XPR1: variants seen among roughly 807,000 people sequenced by gnomAD.
XPR1 encodes the protein xenotropic and polytropic retrovirus receptor 1, also known as solute carrier family 53 member 1.
XPR1 carries 28 observed loss-of-function variants against 87.5 expected under a neutral mutation model. The ratio of observed to expected loss-of-function variants is 0.32; its 90% confidence interval spans 0.24 to 0.44. The LOEUF (loss-of-function observed/expected upper bound fraction) is 0.44, where lower values mean the gene tolerates loss of function less well. XPR1 is among the 20% of genes least tolerant of loss of function. The probability of loss-of-function intolerance (pLI) is 1.00; values close to 1 mark genes in which losing one functional copy is unlikely to be tolerated. For synonymous variants in XPR1, 300 were observed against 306.1 expected (o/e 0.98, Z 0.21); for missense variants, 559 against 862.3 (o/e 0.65, Z 4.41).
chr1:180,735,136 A>G (rs1217661376), intron 2 of XPR1, among the ~76,000 whole-genome samples: 1 of 152,232 alleles, frequency 6.6e-6, no homozygotes, highest in Non-Finnish European at 1.5e-5. Flanking sequence ...TCAGAAATAC[A>G]TATTGTCAGA....
At chr1:180,637,867 T>C (rs1420174016) in intron 1 of XPR1, among the ~76,000 whole-genome samples, 1 of 152,180 alleles carries the variant, frequency 6.6e-6, no homozygotes, top group Non-Finnish European at 1.5e-5. Context: ...GCTAACTCTT[T>C]GAAGTAAGGT....
rs191732497 is a variant in XPR1, at chr1:180,784,104, A to G, written c.122-3649A>G. ...TATCCTTGGAAATACAGCCATTTGT[A>G]TAGAGATTCCTTTAGAATACATTTC... On this transcript the variant is annotated intron_variant, in intron 2 of 14. Coordinates refer to ENST00000367590, the MANE Select transcript of XPR1 (RefSeq NM_004736.4). Among the ~76,000 whole-genome samples, 5 of 152,128 alleles carry G rather than the reference A, an allele frequency of 3.3e-5. No individual in the cohort carries two copies. In the East Asian group the frequency reaches 5.8e-4, roughly 18 times the overall value.
chr1:180,757,672 A>G (rs189601710), intron 2 of XPR1, among the ~76,000 whole-genome samples: 1 of 151,894 alleles, frequency 6.6e-6, no homozygotes, highest in East Asian at 1.9e-4. Flanking sequence ...GCACACCACC[A>G]TGCCTGGATA....
At position 180,887,782 on chromosome 1, in the gene XPR1, T is replaced by G. The variant is rs1653060896; in HGVS notation, c.*3716T>G. The G allele has an allele frequency of 6.6e-6, 1 of 152,244 alleles. No individual in the cohort carries two copies. Among genetic ancestry groups the G allele is most frequent in the Admixed American group, 6.5e-5 (1 of 15,286 alleles). 9.4% of individuals were successfully genotyped at this position (152,244 alleles called of 1,614,324 possible). A position where few individuals can be genotyped will look rare whatever the true frequency, so the allele number is the denominator to read the frequency against. Reference sequence around the variant, plus strand: ...ATTCTAAACATGAGAGTTCTGTGACTTTAACTGAGCTCTTTACCAGAAGTA... The same window carrying G: ...ATTCTAAACATGAGAGTTCTGTGACGTTAACTGAGCTCTTTACCAGAAGTA... On this transcript the variant is annotated 3_prime_UTR_variant, in exon 15 of 15. Coordinates refer to ENST00000367590, the MANE Select transcript of XPR1 (RefSeq NM_004736.4).
At chr1:180,883,695 G>A (rs180933563) in intron 14 of XPR1, among the ~76,000 whole-genome samples, 25 of 119,150 alleles carry the variant, frequency 2.1e-4, no homozygotes, top group Middle Eastern at 0.01. Flanking sequence ...GCGACAGAGC[G>A]AGACTCTGTC....
chr1:180,749,288 T>C (rs1647421020), intron 2 of XPR1, among the ~76,000 whole-genome samples: 1 of 152,246 alleles, frequency 6.6e-6, no homozygotes, highest in Admixed American at 6.5e-5. Context: ...TTGCTTATTA[T>C]TGTGAATAGC....
At position 180,714,349 on chromosome 1, in the gene XPR1, TTCTCTCTCTCTCTCTCTC is replaced by T. The variant is rs71121047; in HGVS notation, c.121+31974_121+31991del. On this transcript the variant is annotated intron_variant, in intron 2 of 14. Transcript: ENST00000367590. Reference sequence around the variant, plus strand: ...ATTTTTCTCTCATATTTTTTCCCTGTTCTCTCTCTCTCTCTCTCTCTCTCTCTCTCTCTCTCTCTCTCT... The same window carrying T: ...ATTTTTCTCTCATATTTTTTCCCTGTTCTCTCTCTCTCTCTCTCTCTCTCT... Among the ~76,000 whole-genome samples the T allele has an allele frequency of 1.6e-3, 114 of 72,152 alleles. 1 individual carries two copies. Among genetic ancestry groups the T allele is most frequent in the Admixed American group, 5.0e-3 (29 of 5,800 alleles). The allele number at this position is 72,152 out of a possible 152,430, so 47.3% of individuals were successfully genotyped here. A position where few individuals can be genotyped will look rare whatever the true frequency, so the allele number is the denominator to read the frequency against.
chr1:180,638,331 T>A (rs969971706), intron 1 of XPR1, among the ~76,000 whole-genome samples: 5 of 152,226 alleles, frequency 3.3e-5, no homozygotes, highest in African/African-American at 4.8e-5. Context: ...AAACTTTTTT[T>A]AAATAGGGAT....
rs551935426 is a variant in XPR1 at position 180,887,733 on chromosome 1, C to G, written c.*3667C>G. ...TTAAAGAAGGAAAATGGGCCCCAGCCCCTAGGATCCCTGACTTCCTGATAT... is the reference window on the plus strand; with the variant it reads ...TTAAAGAAGGAAAATGGGCCCCAGCGCCTAGGATCCCTGACTTCCTGATAT... On this transcript the variant is annotated 3_prime_UTR_variant, in exon 15 of 15. Transcript: ENST00000367590. 1 of 152,300 alleles carries G rather than the reference C, an allele frequency of 6.6e-6. No individual in the cohort carries two copies. Among genetic ancestry groups the G allele is most frequent in the Admixed American group, 6.5e-5 (1 of 15,296 alleles). 9.4% of individuals were successfully genotyped at this position (152,300 alleles called of 1,614,324 possible).
At chr1:180,699,261 T>C (rs1443728675) in intron 2 of XPR1, among the ~76,000 whole-genome samples, 1 of 138,758 alleles carries the variant, frequency 7.2e-6, no homozygotes, top group African/African-American at 2.7e-5. Flanking sequence ...ATGTGCACAT[T>C]GTGCAGGTTA....
intron 1 of XPR1, among the ~76,000 whole-genome samples, chr1:180,633,024 T>A (rs1486758452): frequency 3.3e-5 from 5 of 152,160 alleles, no homozygotes. Flanking sequence ...TTATTAACAT[T>A]TTTTTATTTT....
chr1:180,883,545 C>T (rs745475595), intron 14 of XPR1, among the ~76,000 whole-genome samples: 1 of 151,978 alleles, frequency 6.6e-6, no homozygotes, highest in Admixed American at 6.6e-5. Flanking sequence ...CCCATCTCTA[C>T]TAAAAATACA....
chr1:180,840,247 AAAAG>A (rs1651458318), intron 11 of XPR1, among the ~76,000 whole-genome samples: 1 of 150,424 alleles, frequency 6.6e-6, no homozygotes, highest in Non-Finnish European at 1.5e-5. Flanking sequence ...AAAAAAAAAA[AAAAG>A]AAGTGTTGCC....
In XPR1 at chr1:180,836,963, T is replaced by C. The variant is rs540495238; in HGVS notation, c.1501+247T>C. 2.6e-3 allele frequency among the ~76,000 whole-genome samples: 399 copies of C among 152,338 alleles called. 4 individuals carry two copies. The highest frequency in any genetic ancestry group is 4.7e-3 in the Non-Finnish European group (317 of 68,022). ...TAATTTGTGATAATGTTTAAAATTC[T>C]GAATTATGTTTAATGGGTTCAATCT... On this transcript the variant is annotated intron_variant, in intron 11 of 14. Coordinates refer to ENST00000367590, the MANE Select transcript of XPR1 (RefSeq NM_004736.4).
At chr1:180,677,990 C>T (rs989216865) in intron 1 of XPR1, among the ~76,000 whole-genome samples, 2 of 152,182 alleles carry the variant, frequency 1.3e-5, no homozygotes, top group South Asian at 2.1e-4. Flanking sequence ...TCCCATGATC[C>T]CCACCTCCAG....
intron 10 of XPR1, among the ~76,000 whole-genome samples, chr1:180,836,085 G>A (rs1052036602): frequency 2.6e-5 from 4 of 152,156 alleles, no homozygotes; most frequent in East Asian, 1.9e-4. Flanking sequence ...TAGACTGGGC[G>A]CAGTGGCTCA....
At chr1:180,853,791 G>GTTTTTTTTTTTTTTT (rs374408714) in intron 11 of XPR1, among the ~76,000 whole-genome samples, 4 of 109,446 alleles carry the variant, frequency 3.7e-5, no homozygotes, top group African/African-American at 6.9e-5. Flanking sequence ...CATTCATGTG[G>GTTTTTTTTTTTTTTT]TTTTTTTTTT....
chr1:180,680,357 CTTTTTTTTTTTTTT>C (rs369905770), intron 1 of XPR1, among the ~76,000 whole-genome samples: 18 of 83,392 alleles, frequency 2.2e-4, no homozygotes, highest in African/African-American at 8.5e-4. Flanking sequence ...CAAATAGAAC[CTTTTTTTTTTTTTT>C]TTTTTTTTTT....
intron 2 of XPR1, among the ~76,000 whole-genome samples, chr1:180,767,611 T>C (rs1648337609): frequency 6.6e-6 from 1 of 152,142 alleles, no homozygotes; most frequent in African/African-American, 2.4e-5. Context: ...TGAAAGAACA[T>C]TATGAAGCTG....
Sources: allele counts gnomAD v4.1 joint callset (sites outside exome capture counted in the v4.1 genomes callset), GRCh38; gene constraint gnomAD v4.1.1; transcripts MANE v1.5; gene names NCBI Gene and HGNC (gene_info 2026-07-23, HGNC 2026-07-21).